Variants in RAB38 observed in about 807,000 individuals in gnomAD.
The protein encoded by RAB38 is ras-related protein Rab-38.
In RAB38, 15 loss-of-function variants were observed where a neutral mutation model predicts 18.4. The ratio of observed to expected loss-of-function variants is 0.82; its 90% CI spans 0.55 to 1.26. RAB38 has a LOEUF of 1.26. Among genes scored for constraint, RAB38 ranks in the 50% most tolerant of loss-of-function variants. RAB38 has a pLI of 0.00. For missense variants in RAB38, 294 were observed against 267.4 expected, an observed-to-expected ratio of 1.10 and a Z score of -0.69; for synonymous variants, 101 against 104.4, an observed-to-expected ratio of 0.97 and a Z score of 0.20.
At chr11:88,143,462 G>C (rs1942942397) in intron 2 of RAB38, among the ~76,000 whole-genome samples, 1 of 152,158 alleles carries the variant, frequency 6.6e-6, no homozygotes, top group African/African-American at 2.4e-5. Context: ...GAGCACAGCT[G>C]AGTTCCAACA....
chr11:88,074,907 C>T, the RAB38 span, among the ~76,000 whole-genome samples: 2 of 152,148 alleles, frequency 1.3e-5, no homozygotes, highest in East Asian at 3.9e-4. Flanking sequence ...AATAGCTAGA[C>T]TTATATCAAA....
chr11:88,086,839 A>G, the RAB38 span, among the ~76,000 whole-genome samples: 3 of 152,016 alleles, frequency 2.0e-5, no homozygotes, highest in Admixed American at 2.0e-4. Flanking sequence ...CTAGCGGACT[A>G]TTCTGGAGCA....
chr11:88,067,949 ATATATATACT>A, the RAB38 span, among the ~76,000 whole-genome samples: 16 of 145,206 alleles, frequency 1.1e-4, no homozygotes, highest in African/African-American at 3.9e-4. Flanking sequence ...ATATATATAC[ATATATATACT>A]TATATATATA....
the RAB38 span, among the ~76,000 whole-genome samples, chr11:87,937,348 ATATC>A: frequency 0.036 from 4,283 of 119,176 alleles, 171 homozygotes; most frequent in Admixed American, 0.081. Context: ...ATATATATAT[ATATC>A]ATAATTCTAT....
chr11:88,102,403 C>T, the RAB38 span, among the ~76,000 whole-genome samples: 1 of 152,038 alleles, frequency 6.6e-6, no homozygotes, highest in Non-Finnish European at 1.5e-5. Context: ...CTCTAGCTCT[C>T]AGCTTCATGT....
the RAB38 span, among the ~76,000 whole-genome samples, chr11:87,910,119 G>A: frequency 2.6e-5 from 4 of 152,070 alleles, no homozygotes; most frequent in East Asian, 7.8e-4. Context: ...ATGTGTAGTG[G>A]TATCTTACTA....
At chr11:87,898,577 A>G in the RAB38 span, among the ~76,000 whole-genome samples, 1 of 151,738 alleles carries the variant, frequency 6.6e-6, no homozygotes, top group Non-Finnish European at 1.5e-5. Context: ...CACCTGGCAC[A>G]TACTAGGTGC....
chr11:87,904,885 A>G, the RAB38 span, among the ~76,000 whole-genome samples: 1 of 151,764 alleles, frequency 6.6e-6, no homozygotes, highest in South Asian at 2.1e-4. Context: ...AGAGCTTATT[A>G]AACTTCTTGG....
chr11:87,957,548 A>G, the RAB38 span, among the ~76,000 whole-genome samples: 3 of 152,312 alleles, frequency 2.0e-5, no homozygotes, highest in African/African-American at 7.2e-5. Flanking sequence ...AATAGTAATC[A>G]ACTGCGAGGA....
the RAB38 span, among the ~76,000 whole-genome samples, chr11:87,916,534 C>T: frequency 6.6e-6 from 1 of 152,112 alleles, no homozygotes; most frequent in Non-Finnish European, 1.5e-5. Context: ...CATGGCTTGA[C>T]CCAGCACATG....
the RAB38 span, among the ~76,000 whole-genome samples, chr11:87,899,761 A>T: frequency 6.6e-6 from 1 of 151,712 alleles, no homozygotes; most frequent in Non-Finnish European, 1.5e-5. Context: ...GGCTAAAAAA[A>T]TAAACAGTTC....
the RAB38 span, among the ~76,000 whole-genome samples, chr11:87,820,514 T>C: frequency 1.3e-5 from 2 of 152,314 alleles, no homozygotes; most frequent in South Asian, 4.1e-4. Flanking sequence ...CAAAGCCACA[T>C]ATTTAAATCA....
chr11:87,829,456 C>T, the RAB38 span, among the ~76,000 whole-genome samples: 1 of 152,098 alleles, frequency 6.6e-6, no homozygotes, highest in Non-Finnish European at 1.5e-5. Flanking sequence ...AGGAACCTTA[C>T]AATCATGGCA....
chr11:87,811,229 C>A, the RAB38 span, among the ~76,000 whole-genome samples: 4 of 152,304 alleles, frequency 2.6e-5, no homozygotes, highest in South Asian at 8.3e-4. Context: ...TCACACTTCA[C>A]CATTTTTCCT....
At chr11:87,814,895 G>T in the RAB38 span, 1 of 151,896 alleles carries the variant, frequency 6.6e-6, no homozygotes, top group Non-Finnish European at 1.5e-5. Context: ...CACAGCGCCC[G>T]GCTAATTTTT....
the RAB38 span, among the ~76,000 whole-genome samples, chr11:88,032,225 C>T: frequency 6.6e-6 from 1 of 151,994 alleles, no homozygotes; most frequent in Non-Finnish European, 1.5e-5. Context: ...ATACAAAAAT[C>T]AATTCAAGAT....
chr11:88,088,530 G>A, the RAB38 span, among the ~76,000 whole-genome samples: 67,562 of 151,566 alleles, frequency 0.45, 15,524 homozygotes, highest in South Asian at 0.53. Flanking sequence ...GAAGAGGGGA[G>A]CTATATTTTC....
chr11:87,840,807 C>G, the RAB38 span, among the ~76,000 whole-genome samples: 1 of 152,124 alleles, frequency 6.6e-6, no homozygotes, highest in Non-Finnish European at 1.5e-5. Context: ...TAGGGTGGTT[C>G]AAATTAAAGC....
the RAB38 span, among the ~76,000 whole-genome samples, chr11:87,845,833 T>A: frequency 6.6e-6 from 1 of 152,102 alleles, no homozygotes; most frequent in Non-Finnish European, 1.5e-5. Context: ...ATTAGACTGT[T>A]GATTTCTCAT....
Sources: gnomAD v4.1 joint callset for allele counts (sites outside exome capture counted in the v4.1 genomes callset) on GRCh38, gnomAD v4.1.1 for gene constraint, MANE v1.5 for transcripts, NCBI Gene and HGNC (gene_info 2026-07-23, HGNC 2026-07-21) for gene names.